Variants in AAK1 observed in about 807,000 individuals in gnomAD.
The protein encoded by AAK1 is AP2-associated protein kinase 1.
Under a neutral mutation model 116.0 loss-of-function variants are expected in AAK1, and 37 were observed. The ratio of observed to expected loss-of-function variants is 0.32; its 90% CI spans 0.25 to 0.42. AAK1 has a LOEUF of 0.42. Among genes scored for constraint, AAK1 ranks in the 10% least tolerant of loss-of-function variants. The pLI is 1.00. For missense variants in AAK1, 919 were observed against 1,170.6 expected (o/e 0.79, Z 3.14); for synonymous variants, 458 against 439.9 (o/e 1.04, Z -0.51).
rs777129973 is a variant in AAK1, at chr2:69,475,819, G to A, written c.*50C>T. 5 of 1,547,862 alleles carry A rather than the reference G, an allele frequency of 3.2e-6. No homozygotes were observed. The highest frequency in any genetic ancestry group is 1.2e-5 in the South Asian group (1 of 82,170). On this transcript the variant is annotated 3_prime_UTR_variant, in exon 22 of 22. Transcript: ENST00000409085. The stretch of plus-strand genomic sequence containing the variant: ...TTTTTCATAACTCCGTAATGAAAAT[G>A]TATTTTACGGTATGAAGGTTACAGA...
rs1674555717 is a variant in AAK1, at chr2:69,468,328, T to C, written c.*7541A>G. On this transcript the variant is annotated 3_prime_UTR_variant, in exon 22 of 22. Coordinates refer to ENST00000409085, the MANE Select transcript of AAK1 (RefSeq NM_014911.5). ...GATAATTTCTGGGAGGAAATTCAAA[T>C]AAAAGGGAGAAAAATAAGTTTTCCA... 1 of 985,110 alleles carries C rather than the reference T, an allele frequency of 1.0e-6. No homozygotes were observed. Among genetic ancestry groups the C allele is most frequent in the South Asian group, 4.7e-5 (1 of 21,280 alleles). 61.0% of individuals were successfully genotyped at this position (985,110 alleles called of 1,614,324 possible).
chr2:69,472,442 G>T lies in AAK1; in HGVS notation c.*3427C>A. On this transcript the variant is annotated 3_prime_UTR_variant, in exon 22 of 22. Coordinates refer to ENST00000409085, the MANE Select transcript of AAK1 (RefSeq NM_014911.5). The stretch of plus-strand genomic sequence containing the variant: ...GAGGAGTTTCAAAAATAACTTTAAG[G>T]ATGGCAGCATCATTAGAATAAGTAT... The T allele has an allele frequency of 3.2e-6, 1 of 314,320 alleles. No individual in the cohort carries two copies. The highest frequency in any genetic ancestry group is 4.6e-6 in the Non-Finnish European group (1 of 216,722). 19.5% of individuals were successfully genotyped at this position (314,320 alleles called of 1,614,324 possible).
chr2:69,571,036 CCT>C (rs1293619015), intron 2 of AAK1, among the ~76,000 whole-genome samples: 1 of 152,038 alleles, frequency 6.6e-6, no homozygotes, highest in Non-Finnish European at 1.5e-5. Context: ...ATTTTTTTAC[CCT>C]GATTATATCC....
intron 14 of AAK1, 103 bp downstream of exon 14, chr2:69,509,128 G>A (rs1676296305): frequency 4.3e-6 from 4 of 924,244 alleles, no homozygotes; most frequent in Admixed American, 2.3e-5. Context: ...CACTGTATTT[G>A]CATTACACAC....
At chr2:69,545,038 A>C (rs2105058024) in intron 3 of AAK1, among the ~76,000 whole-genome samples, 1 of 152,328 alleles carries the variant, frequency 6.6e-6, no homozygotes, top group Admixed American at 6.5e-5. Context: ...CAAAAAAAAA[A>C]AAGCTATTTA....
At chr2:69,513,292 T>G (rs1436370244) in intron 13 of AAK1, among the ~76,000 whole-genome samples, 1 of 151,998 alleles carries the variant, frequency 6.6e-6, no homozygotes, top group Admixed American at 6.6e-5. Context: ...GAGACAAAAC[T>G]CTATTAGAAA....
At chr2:69,584,997 AT>A (rs1672702694) in intron 2 of AAK1, among the ~76,000 whole-genome samples, 1 of 152,174 alleles carries the variant, frequency 6.6e-6, no homozygotes. Context: ...TCATATCTGT[AT>A]GAATAGTCTA....
chr2:69,530,577 G>C (rs1670214113), intron 7 of AAK1, 48 bp downstream of exon 7: 1 of 1,502,998 alleles, frequency 6.7e-7, no homozygotes, highest in Non-Finnish European at 9.3e-7. Flanking sequence ...GGAATTCACA[G>C]TCAAGACTGC....
intron 2 of AAK1, among the ~76,000 whole-genome samples, chr2:69,596,558 A>G (rs1673298183): frequency 6.6e-6 from 1 of 152,204 alleles, no homozygotes; most frequent in Non-Finnish European, 1.5e-5. Context: ...TAAGAAATAC[A>G]TTTCATAAGG....
At chr2:69,590,615 A>G (rs1284947096) in intron 2 of AAK1, among the ~76,000 whole-genome samples, 1 of 152,270 alleles carries the variant, frequency 6.6e-6, no homozygotes, top group East Asian at 1.9e-4. Flanking sequence ...TGCATATTGC[A>G]GATACAGGAG....
intron 3 of AAK1, among the ~76,000 whole-genome samples, chr2:69,552,521 G>A (rs1452557678): frequency 6.6e-6 from 1 of 152,036 alleles, no homozygotes; most frequent in Non-Finnish European, 1.5e-5. Flanking sequence ...GGACCAGCCT[G>A]GCCAACATGG....
At chr2:69,631,853 A>AGATATT (rs1301660419) in intron 2 of AAK1, among the ~76,000 whole-genome samples, 1 of 152,088 alleles carries the variant, frequency 6.6e-6, no homozygotes, top group Admixed American at 6.6e-5. Flanking sequence ...GGTGGTGCGC[A>AGATATT]CCTGTGGTCC....
intron 2 of AAK1, among the ~76,000 whole-genome samples, chr2:69,557,200 C>T (rs1330261811): frequency 6.6e-6 from 1 of 152,068 alleles, no homozygotes; most frequent in African/African-American, 2.4e-5. Flanking sequence ...TGTTCCCAAA[C>T]ACCTATCTTA....
At chr2:69,527,801 T>C (rs148744627) in intron 8 of AAK1, among the ~76,000 whole-genome samples, 1 of 152,374 alleles carries the variant, frequency 6.6e-6, no homozygotes, top group Non-Finnish European at 1.5e-5. Context: ...AAGTAACGTA[T>C]GCATATCTAC....
chr2:69,509,903 C>T (rs1355823973), intron 13 of AAK1, among the ~76,000 whole-genome samples: 4 of 152,156 alleles, frequency 2.6e-5, no homozygotes, highest in African/African-American at 9.7e-5. Context: ...CCAATGAAGA[C>T]GTATCTCCAG....
intron 12 of AAK1, among the ~76,000 whole-genome samples, chr2:69,517,390 C>T (rs1226096028): frequency 6.6e-6 from 1 of 152,114 alleles, no homozygotes; most frequent in Non-Finnish European, 1.5e-5. Context: ...TCAGTGATAC[C>T]TGCTAAGCTA....
chr2:69,528,942 A>C (rs1670130348), intron 8 of AAK1, among the ~76,000 whole-genome samples: 1 of 144,624 alleles, frequency 6.9e-6, no homozygotes, highest in African/African-American at 2.4e-5. Context: ...TTATCTCTTA[A>C]AACAATCCAA....
intron 20 of AAK1, among the ~76,000 whole-genome samples, chr2:69,477,470 T>A (rs1674897160): frequency 6.6e-6 from 1 of 152,066 alleles, no homozygotes; most frequent in Admixed American, 6.5e-5. Context: ...CTGGAAGGAC[T>A]CACTGCACTG....
chr2:69,518,302 T>C (rs1045943939), intron 12 of AAK1, among the ~76,000 whole-genome samples: 6 of 151,898 alleles, frequency 4.0e-5, no homozygotes, highest in Non-Finnish European at 7.4e-5. Context: ...TAAACACTAA[T>C]GGATATTTGA....
Sources: gnomAD v4.1 joint callset for allele counts (sites outside exome capture counted in the v4.1 genomes callset) on GRCh38, gnomAD v4.1.1 for gene constraint, MANE v1.5 for transcripts, NCBI Gene and HGNC (gene_info 2026-07-23, HGNC 2026-07-21) for gene names.